NDST4: variants seen among roughly 807,000 people sequenced by gnomAD.
The protein encoded by NDST4 is N-heparan sulfate sulfotransferase 4.
A neutral mutation model predicts 100.8 loss-of-function variants in NDST4; 63 were observed. The observed-to-expected ratio is 0.62, with a 90% CI of 0.51 to 0.77. The LOEUF is 0.77. Ranked by LOEUF, NDST4 falls within the 30% of genes least tolerant of loss-of-function variation. The pLI is 0.00. For missense variants in NDST4, 943 were observed against 1,018.4 expected (o/e 0.93, Z 1.01); for synonymous variants, 377 against 361.8 (o/e 1.04, Z -0.48).
intron 6 of NDST4, among the ~76,000 whole-genome samples, chr4:114,873,013 A>T (rs1724182860): frequency 1.3e-5 from 2 of 151,914 alleles, no homozygotes; most frequent in African/African-American, 4.8e-5. Context: ...TTATCCTGGC[A>T]GCTGAAAGTT....
intron 6 of NDST4, among the ~76,000 whole-genome samples, chr4:114,915,427 A>G (rs1174575114): frequency 6.6e-6 from 1 of 152,218 alleles, no homozygotes; most frequent in Non-Finnish European, 1.5e-5. Context: ...AATATGCTAT[A>G]TGATAAATTC....
intron 6 of NDST4, among the ~76,000 whole-genome samples, chr4:114,888,982 T>C (rs1370911747): frequency 6.6e-6 from 1 of 152,172 alleles, no homozygotes; most frequent in African/African-American, 2.4e-5. Flanking sequence ...TAAAGGTTAT[T>C]TCTACCTCCA....
chr4:115,072,993 T>C (rs542693990), intron 2 of NDST4, among the ~76,000 whole-genome samples: 16 of 151,832 alleles, frequency 1.1e-4, no homozygotes, highest in African/African-American at 3.9e-4. Context: ...AACAAATAAC[T>C]CATCTTAAAA....
rs189316817 is a variant in NDST4 at position 114,934,293 on chromosome 4, A to G, written c.1536+913T>C. Among the ~76,000 whole-genome samples the G allele has an allele frequency of 2.6e-3, 399 of 152,250 alleles. 3 individuals carry two copies. Among genetic ancestry groups the G allele is most frequent in the African/African-American group, 9.1e-3 (379 of 41,570 alleles). ...ATGATCTCACTTATATGTGAGATCT[A>G]AAAAAGTTGAACTCTTGGGAGGCCG... On this transcript the variant is annotated intron_variant, in intron 6 of 13. Transcript: ENST00000264363.
intron 2 of NDST4, among the ~76,000 whole-genome samples, chr4:115,063,504 T>G (rs1728866995): frequency 6.6e-6 from 1 of 151,976 alleles, no homozygotes; most frequent in African/African-American, 2.4e-5. Flanking sequence ...ATAAGGAGCA[T>G]GAAAATAGCA....
intron 6 of NDST4, among the ~76,000 whole-genome samples, chr4:114,888,800 C>T (rs2389044): frequency 0.18 from 27,030 of 152,012 alleles, 2,894 homozygotes; most frequent in African/African-American, 0.28. Flanking sequence ...ATAAGAAATA[C>T]GGTATCAGCA....
chr4:115,071,999 A>G (rs538055016), intron 2 of NDST4, among the ~76,000 whole-genome samples: 1 of 152,252 alleles, frequency 6.6e-6, no homozygotes, highest in African/African-American at 2.4e-5. Context: ...AGAAAAACAC[A>G]GAGATAAAAA....
At chr4:115,059,435 T>G (rs1414202264) in intron 2 of NDST4, among the ~76,000 whole-genome samples, 1 of 152,058 alleles carries the variant, frequency 6.6e-6, no homozygotes, top group Non-Finnish European at 1.5e-5. Context: ...TATCCTTGGA[T>G]GTAATATTTT....
In NDST4 at chr4:115,023,212, G is replaced by A. The variant is rs191366098; in HGVS notation, c.979-45938C>T. Among the ~76,000 whole-genome samples the A allele has an allele frequency of 7.4e-4, 113 of 152,172 alleles. 2 individuals are homozygous for A. The highest frequency in any genetic ancestry group is 2.5e-4 in the Non-Finnish European group (17 of 68,004). On this transcript the variant is annotated intron_variant, in intron 2 of 13. Transcript: ENST00000264363. ...AAGAACGTATTCCTGTTGGCCGAGC[G>A]CAGTTGCTCACATCTGTAATCCCAG...
At chr4:115,054,365 T>A (rs1273178139) in intron 2 of NDST4, among the ~76,000 whole-genome samples, 1 of 152,126 alleles carries the variant, frequency 6.6e-6, no homozygotes, top group Non-Finnish European at 1.5e-5. Context: ...TATGACTTGG[T>A]GTATTTACTT....
chr4:114,841,207 G>A (rs945730498), intron 10 of NDST4, among the ~76,000 whole-genome samples: 2 of 152,074 alleles, frequency 1.3e-5, no homozygotes, highest in East Asian at 1.9e-4. Flanking sequence ...TGACCATGAA[G>A]TCACAAAAGG....
intron 4 of NDST4, among the ~76,000 whole-genome samples, chr4:114,962,161 T>C (rs971744550): frequency 1.2e-4 from 18 of 152,062 alleles, no homozygotes; most frequent in Non-Finnish European, 2.2e-4. Flanking sequence ...CTTCTTCAAC[T>C]TGATAATAGG....
intron 6 of NDST4, among the ~76,000 whole-genome samples, chr4:114,914,255 C>T (rs67517497): frequency 0.29 from 43,467 of 151,858 alleles, 8,066 homozygotes; most frequent in African/African-American, 0.53. Flanking sequence ...ATAAATAAGA[C>T]CTACTGTGTG....
In NDST4 at chr4:115,102,198, G is replaced by A. The variant is rs533045864; in HGVS notation, c.-247+11246C>T. ...ATATTTAGTATTGATTTGCATCCTT[G>A]CTAATTGCCTCAGAAGACAATCATG... On this transcript the variant is annotated intron_variant, in intron 1 of 13. Transcript: ENST00000264363. 5.9e-5 allele frequency among the ~76,000 whole-genome samples: 9 copies of A among 152,060 alleles called. No homozygotes were observed. In the South Asian group the frequency reaches 1.9e-3, roughly 32 times the overall value.
At chr4:115,066,579 A>G (rs1450388290) in intron 2 of NDST4, among the ~76,000 whole-genome samples, 1 of 152,158 alleles carries the variant, frequency 6.6e-6, no homozygotes, top group African/African-American at 2.4e-5. Flanking sequence ...GCAAAATTCT[A>G]CTTACTAAAA....
At chr4:115,022,374 TGTACATATGTGTTCC>T in intron 2 of NDST4, among the ~76,000 whole-genome samples, 1 of 62,464 alleles carries the variant, frequency 1.6e-5, no homozygotes, top group South Asian at 4.2e-4. Context: ...ATGTGTTCCA[TGTACATATGTGTTCC>T]ATATATATGT....
intron 6 of NDST4, among the ~76,000 whole-genome samples, chr4:114,887,817 C>T (rs1283515491): frequency 6.6e-6 from 1 of 152,142 alleles, no homozygotes; most frequent in Non-Finnish European, 1.5e-5. Context: ...CATTTACTCA[C>T]CAATTTTCCA....
chr4:114,893,634 A>T (rs1724647458), intron 6 of NDST4, among the ~76,000 whole-genome samples: 1 of 151,508 alleles, frequency 6.6e-6, no homozygotes, highest in African/African-American at 2.4e-5. Context: ...TAAATTCTGG[A>T]TATTAGACCT....
intron 12 of NDST4, among the ~76,000 whole-genome samples, chr4:114,830,764 T>G (rs1315253861): frequency 3.3e-5 from 5 of 152,216 alleles, no homozygotes; most frequent in Non-Finnish European, 5.9e-5. Context: ...CAGCAGATGT[T>G]TTAGAAGGAT....
Sources: gnomAD v4.1 joint callset for allele counts (sites outside exome capture counted in the v4.1 genomes callset) on GRCh38, gnomAD v4.1.1 for gene constraint, MANE v1.5 for transcripts, NCBI Gene and HGNC (gene_info 2026-07-23, HGNC 2026-07-21) for gene names.